Variants in TEX29 observed in about 807,000 individuals in gnomAD.
TEX29 encodes the protein testis expressed 29.
In TEX29, 26 loss-of-function variants were observed where a neutral mutation model predicts 18.2. The observed-to-expected ratio is 1.43, with a 90% CI of 1.04 to 1.98. TEX29 has a LOEUF of 1.98. Ranked by LOEUF, TEX29 falls within the 30% of genes most tolerant of loss-of-function variation. The pLI is 0.00. For synonymous variants in TEX29, 83 were observed against 78.5 expected (o/e 1.06, Z -0.31); for missense variants, 177 against 194.2 (o/e 0.91, Z 0.53).
intron 2 of TEX29, among the ~76,000 whole-genome samples, chr13:111,326,088 G>T (rs186478326): frequency 6.6e-6 from 1 of 152,206 alleles, no homozygotes; most frequent in Non-Finnish European, 1.5e-5. Context: ...TCCCGGCTCC[G>T]CTGCGTCCAA....
chr13:111,338,304 A>C (rs1282490879), intron 3 of TEX29, among the ~76,000 whole-genome samples: 1 of 152,194 alleles, frequency 6.6e-6, no homozygotes, highest in Non-Finnish European at 1.5e-5. Flanking sequence ...CCTTGTAAAA[A>C]GAGAAGAGAC....
intron 3 of TEX29, among the ~76,000 whole-genome samples, chr13:111,332,205 C>T (rs942956587): frequency 1.3e-5 from 2 of 152,118 alleles, no homozygotes; most frequent in Non-Finnish European, 2.9e-5. Flanking sequence ...CTATTTATTT[C>T]GGTCTTTAAT....
Position 111,339,940 on chromosome 13 carries a change from C to A in TEX29, c.239+8C>A, listed in dbSNP as rs1451957372. 4 of 1,443,266 alleles carry A rather than the reference C, an allele frequency of 2.8e-6. No homozygotes were observed. The East Asian group carries it at 6.7e-5, about 24-fold the overall frequency. 89.4% of individuals were successfully genotyped at this position (1,443,266 alleles called of 1,614,324 possible). A position where few individuals can be genotyped will look rare whatever the true frequency, so the allele number is the denominator to read the frequency against. ...CATCACCATCATCTACAGGTCGGTC[C>A]CTTTGTTCTTTACTGGGAGGGTGGG... On this transcript the variant is annotated splice_region_variant and intron_variant, in intron 4 of 5. Transcript: ENST00000283547.
chr13:111,343,811 G>A lies in TEX29; in HGVS notation c.416-272G>A, dbSNP rs533844688. ...ATGCCTGGCCCCTAACTGAGGCTGC[G>A]TCTGTGCAAATGAGGCTTTCCTGCA... On this transcript the variant is annotated intron_variant, in intron 5 of 5. Coordinates refer to ENST00000283547, the MANE Select transcript of TEX29 (RefSeq NM_152324.3). Among the ~76,000 whole-genome samples the A allele has an allele frequency of 6.6e-5, 10 of 152,282 alleles. No individual in the cohort carries two copies. In the South Asian group the frequency reaches 8.3e-4, roughly 13 times the overall value.
chr13:111,323,483 A>T (rs1014666124), intron 2 of TEX29, among the ~76,000 whole-genome samples: 1 of 152,334 alleles, frequency 6.6e-6, no homozygotes, highest in South Asian at 2.1e-4. Flanking sequence ...GTTTCTGCAA[A>T]AGTGCTTTTA....
chr13:111,324,407 G>A (rs578068555), intron 2 of TEX29, among the ~76,000 whole-genome samples: 2 of 152,312 alleles, frequency 1.3e-5, no homozygotes, highest in African/African-American at 4.8e-5. Context: ...AAGCCTCCAC[G>A]GTGCTGTGAG....
Position 111,328,226 on chromosome 13 carries a change from C to T in TEX29, c.102C>T (p.Ser34=). Residue 34 remains serine (S), a synonymous_variant, in exon 3 of 6, where the codon TCC becomes TCT. Transcript: ENST00000283547. ...ATGACATTTGTGACTACAACGTCTC[C>T]AGGGACCGATGCCAGGAGCTCGGGT... ...PLYDICDYNV[S]RDRCQELGCC... 1.9e-6 allele frequency: 3 copies of T among 1,614,040 alleles called. No individual in the cohort carries two copies. The highest frequency in any genetic ancestry group is 2.5e-6 in the Non-Finnish European group (3 of 1,179,978).
At chr13:111,335,743 A>C (rs2093688717) in intron 3 of TEX29, among the ~76,000 whole-genome samples, 1 of 152,234 alleles carries the variant, frequency 6.6e-6, no homozygotes, top group Admixed American at 6.5e-5. Context: ...AATCTTCTCC[A>C]TATAATGATT....
At chr13:111,320,545 C>A (rs796776033), upstream of TEX29, 2 of 375,192 alleles carry the variant, frequency 5.3e-6, no homozygotes, top group South Asian at 2.9e-5. Context: ...GACACGCACA[C>A]GGCTCCGAAG....
At position 111,339,912 on chromosome 13, in the gene TEX29, C is replaced by T. The variant is rs34403563; in HGVS notation, c.219C>T (p.Phe73=). Residue 73 remains phenylalanine (F), a synonymous_variant, in exon 4 of 6, where the codon TTC becomes TTT. Coordinates refer to ENST00000283547, the MANE Select transcript of TEX29 (RefSeq NM_152324.3). ...TGATTGTGATCATCGCTGGGGCCTT[C>T]GTCATCACCATCATCTACAGGTCGG... The part of the protein sequence containing the change: ...SALIVIIAGA[F]VITIIYRVIQ... The T allele has an allele frequency of 6.6e-4, 1,060 of 1,613,004 alleles. 5 individuals are homozygous for T. The African/African-American group carries it at 0.012, about 18-fold the overall frequency.
rs149278488 is a variant in TEX29 at position 111,321,919 on chromosome 13, G to A, written c.58+971G>A. Among the ~76,000 whole-genome samples, 318 of 152,286 alleles carry A rather than the reference G, an allele frequency of 2.1e-3. 2 individuals carry two copies. Among genetic ancestry groups the A allele is most frequent in the African/African-American group, 7.3e-3 (302 of 41,568 alleles). On this transcript the variant is annotated intron_variant, in intron 2 of 5. Transcript: ENST00000283547. ...AGCCTGGGCGACAAAGCGAGACTCC[G>A]CCTCAAAAACAAACAAACCAAGAAA...
At chr13:111,339,217 G>T (rs527345070) in intron 3 of TEX29, 8 of 454,652 alleles carry the variant, frequency 1.8e-5, no homozygotes, top group African/African-American at 1.2e-4. Context: ...CTTGGGGATT[G>T]CAGGAACCCC....
chr13:111,316,522 T>C (rs969428604), upstream of TEX29, among the ~76,000 whole-genome samples: 1 of 152,224 alleles, frequency 6.6e-6, no homozygotes, highest in Non-Finnish European at 1.5e-5. Context: ...ATTTCCAATG[T>C]TTTCCAGACA....
intron 2 of TEX29, among the ~76,000 whole-genome samples, chr13:111,326,482 C>T (rs190462347): frequency 0.044 from 1,044 of 23,730 alleles, 1 homozygote; most frequent in East Asian, 0.24. Context: ...GCGGGCAGTG[C>T]GAGCCTGTCT....
chr13:111,340,149 AGTGAG>A (rs2093695658), intron 4 of TEX29, among the ~76,000 whole-genome samples: 1 of 151,362 alleles, frequency 6.6e-6, no homozygotes, highest in South Asian at 2.1e-4. Flanking sequence ...ACCCATGTTT[AGTGAG>A]CACCTGTGCT....
intron 3 of TEX29, 94 bp from the exon 4 acceptor site, chr13:111,339,769 C>A: frequency 7.7e-7 from 1 of 1,303,314 alleles, no homozygotes; most frequent in Non-Finnish European, 1.1e-6. Flanking sequence ...GCCGGGAGGG[C>A]CCGCACCCGA....
chr13:111,333,015 C>A (rs2093684793), intron 3 of TEX29, among the ~76,000 whole-genome samples: 1 of 152,176 alleles, frequency 6.6e-6, no homozygotes, highest in Non-Finnish European at 1.5e-5. Context: ...TATAAAATTG[C>A]TGGTTGATAG....
chr13:111,325,604 A>G (rs2093671537), intron 2 of TEX29, among the ~76,000 whole-genome samples: 2 of 152,112 alleles, frequency 1.3e-5, no homozygotes, highest in African/African-American at 2.4e-5. Flanking sequence ...GGGCCGGGCT[A>G]GGAATGGAAA....
intron 3 of TEX29, among the ~76,000 whole-genome samples, chr13:111,336,188 C>T (rs2093689437): frequency 6.6e-6 from 1 of 152,214 alleles, no homozygotes; most frequent in African/African-American, 2.4e-5. Flanking sequence ...CTAACTTTAA[C>T]AGCTGGGTTG....
Sources: allele counts gnomAD v4.1 joint callset (sites outside exome capture counted in the v4.1 genomes callset), GRCh38; gene constraint gnomAD v4.1.1; transcripts MANE v1.5; gene names NCBI Gene and HGNC (gene_info 2026-07-23, HGNC 2026-07-21).